CAMK1G: variants seen among roughly 807,000 people sequenced by gnomAD.
CAMK1G encodes the protein calcium/calmodulin dependent protein kinase IG.
In CAMK1G, 27 loss-of-function variants were observed where a neutral mutation model predicts 54.8. That is an observed-to-expected ratio of 0.49 (90% CI 0.36 to 0.68). The LOEUF is 0.68. CAMK1G is among the 30% of genes least tolerant of loss of function. CAMK1G has a pLI of 0.00. For synonymous variants in CAMK1G, 238 were observed against 224.9 expected (o/e 1.06, Z -0.52); for missense variants, 512 against 591.0 (o/e 0.87, Z 1.39).
chr1:209,607,904 C>T lies in CAMK1G; in HGVS notation c.606C>T (p.Cys202=), dbSNP rs1357262501. 2.5e-6 allele frequency: 4 copies of T among 1,613,540 alleles called. No individual in the cohort carries two copies. Among genetic ancestry groups the T allele is most frequent in the Non-Finnish European group, 3.4e-6 (4 of 1,179,762 alleles). ...AQKPYSKAVD[C]WSIGVITYIL... ...AACCCTACAGCAAGGCTGTGGATTG[C>T]TGGTCCATCGGCGTCATCACCTACA... Residue 202 remains cysteine, a synonymous_variant, in exon 7 of 13, where the codon TGC becomes TGT. Coordinates refer to ENST00000361322, the MANE Select transcript of CAMK1G (RefSeq NM_020439.3).
intron 4 of CAMK1G, 69 bp from the exon 5 acceptor site, chr1:209,605,467 A>C: frequency 1.3e-6 from 2 of 1,564,414 alleles, no homozygotes; most frequent in Admixed American, 1.7e-5. Context: ...CAAGGCTTCA[A>C]AGCAAACACC....
rs1051924646 is a variant in CAMK1G at position 209,608,598 on chromosome 1, G to A, written c.636-382G>A. ...ATCTATCCCTGTGCTAGGTTCTAAA[G>A]AATCCCGCAGTGAACAACACAGCCT... On this transcript the variant is annotated intron_variant, in intron 7 of 12. Transcript: ENST00000361322. Among the ~76,000 whole-genome samples, 23 of 152,288 alleles carry A rather than the reference G, an allele frequency of 1.5e-4. 2 individuals are homozygous for A. The highest frequency in any genetic ancestry group is 1.5e-3 in the Admixed American group (23 of 15,300).
intron 1 of CAMK1G, among the ~76,000 whole-genome samples, chr1:209,588,374 T>A (rs199618814): frequency 1.1e-5 from 1 of 92,182 alleles, no homozygotes; most frequent in Admixed American, 1.2e-4. Flanking sequence ...TTGGATTGGA[T>A]TGGATTGGAT....
intron 11 of CAMK1G, 174 bp downstream of exon 11, chr1:209,612,390 A>G (rs1665805449): frequency 1.0e-5 from 7 of 684,528 alleles, no homozygotes; most frequent in Non-Finnish European, 1.7e-5. Context: ...CCCATCACTT[A>G]CTAGTTGTGA....
chr1:209,592,242 G>T (rs1229224324), intron 1 of CAMK1G, among the ~76,000 whole-genome samples: 1 of 151,470 alleles, frequency 6.6e-6, no homozygotes, highest in Non-Finnish European at 1.5e-5. Flanking sequence ...AACTACTAGG[G>T]TGGCTGAGGT....
At chr1:209,590,738 A>G (rs1665225054) in intron 1 of CAMK1G, among the ~76,000 whole-genome samples, 1 of 151,938 alleles carries the variant, frequency 6.6e-6, no homozygotes, top group African/African-American at 2.4e-5. Flanking sequence ...GAGGGGAGAG[A>G]GCAAGGATGG....
intron 8 of CAMK1G, 87 bp downstream of exon 8, chr1:209,609,179 G>C: frequency 6.5e-7 from 1 of 1,528,782 alleles, no homozygotes. Flanking sequence ...TGACAGTCCC[G>C]GCTCTTCAAA....
chr1:209,591,264 A>G (rs1279452730), intron 1 of CAMK1G, among the ~76,000 whole-genome samples: 1 of 152,306 alleles, frequency 6.6e-6, no homozygotes, highest in African/African-American at 2.4e-5. Flanking sequence ...CCCTGCCAAG[A>G]GGAGCAGATC....
intron 6 of CAMK1G, among the ~76,000 whole-genome samples, chr1:209,607,375 A>G (rs1205191672): frequency 6.6e-6 from 1 of 152,208 alleles, no homozygotes; most frequent in Non-Finnish European, 1.5e-5. Flanking sequence ...GATGGGAGAC[A>G]TACTGCCTTT....
chr1:209,609,738 C>T, intron 8 of CAMK1G, 113 bp from the exon 9 acceptor site: 1 of 1,042,926 alleles, frequency 9.6e-7, no homozygotes, highest in Non-Finnish European at 1.5e-6. Flanking sequence ...AAAATTGCCT[C>T]TTTGGAAGAT....
chr1:209,593,268 A>G (rs1012710388), intron 1 of CAMK1G, among the ~76,000 whole-genome samples: 2 of 152,244 alleles, frequency 1.3e-5, no homozygotes, highest in East Asian at 1.9e-4. Context: ...TTCAAAGGCT[A>G]TTATTAATAC....
At chr1:209,598,965 G>A (rs1173403314) in intron 2 of CAMK1G, among the ~76,000 whole-genome samples, 1 of 152,136 alleles carries the variant, frequency 6.6e-6, no homozygotes, top group Non-Finnish European at 1.5e-5. Context: ...GCTTGAGACT[G>A]GGCAATTTAT....
At chr1:209,591,062 G>A (rs1268988465) in intron 1 of CAMK1G, among the ~76,000 whole-genome samples, 1 of 151,706 alleles carries the variant, frequency 6.6e-6, no homozygotes, top group Non-Finnish European at 1.5e-5. Context: ...ATCTACAGAA[G>A]GGCATCTGGC....
In CAMK1G at chr1:209,605,657, G is replaced by T. The variant is rs768376674; in HGVS notation, c.418G>T (p.Val140Phe). Residue 140 changes from valine (V) to phenylalanine (F), a missense_variant, in exon 5 of 13, where the codon GTC becomes TTC. Coordinates refer to ENST00000361322, the MANE Select transcript of CAMK1G (RefSeq NM_020439.3). ...AVKYLHENGI[V>F]HRDLKPENLL... ...GAAATACCTACATGAGAATGGCATC[G>T]TCCACAGAGACTTAAAGGTGTCAAG... is the stretch of plus-strand genomic sequence containing the variant. 3 of 1,613,706 alleles carry T rather than the reference G, an allele frequency of 1.9e-6. No individual in the cohort carries two copies. Among genetic ancestry groups the T allele is most frequent in the Non-Finnish European group, 2.5e-6 (3 of 1,179,912 alleles).
chr1:209,586,192 G>A (rs1169107604), intron 1 of CAMK1G, among the ~76,000 whole-genome samples: 2 of 152,166 alleles, frequency 1.3e-5, no homozygotes, highest in Non-Finnish European at 2.9e-5. Context: ...ATAGTAATGA[G>A]CGTCCAACCT....
chr1:209,603,439 A>C (rs1039637307), intron 4 of CAMK1G, 151 bp downstream of exon 4: 1 of 651,590 alleles, frequency 1.5e-6, no homozygotes, highest in Admixed American at 2.7e-5. Context: ...GGGTCCTTTT[A>C]GACTGAGTGT....
rs968492293 is a variant in CAMK1G at position 209,613,432 on chromosome 1, T to G, written c.*430T>G. On this transcript the variant is annotated 3_prime_UTR_variant, in exon 13 of 13. Coordinates refer to ENST00000361322, the MANE Select transcript of CAMK1G (RefSeq NM_020439.3). ...AGCCATATGGAGCATCTACCCAGAC[T>G]CCCACTCTGCACACACTCACTCCCA... The G allele has an allele frequency of 6.5e-6, 1 of 153,866 alleles. No individual in the cohort carries two copies. The highest frequency in any genetic ancestry group is 2.4e-5 in the African/African-American group (1 of 41,442). 9.5% of individuals were successfully genotyped at this position (153,866 alleles called of 1,614,324 possible). A position where few individuals can be genotyped will look rare whatever the true frequency, so the allele number is the denominator to read the frequency against.
intron 6 of CAMK1G, 152 bp from the exon 7 acceptor site, chr1:209,607,706 C>T: frequency 3.2e-6 from 2 of 625,768 alleles, no homozygotes; most frequent in Non-Finnish European, 2.9e-6. Context: ...AGAAGAGACA[C>T]AGCCCCTACC....
chr1:209,602,250 C>T (rs1307259562), intron 3 of CAMK1G, among the ~76,000 whole-genome samples: 1 of 152,138 alleles, frequency 6.6e-6, no homozygotes, highest in African/African-American at 2.4e-5. Flanking sequence ...CCACTAGATG[C>T]CAGCAGCACC....
Sources: gnomAD v4.1 joint callset for allele counts (sites outside exome capture counted in the v4.1 genomes callset) on GRCh38, gnomAD v4.1.1 for gene constraint, MANE v1.5 for transcripts, NCBI Gene and HGNC (gene_info 2026-07-23, HGNC 2026-07-21) for gene names.